CTNNA3: variants seen among roughly 807,000 people sequenced by gnomAD.
CTNNA3 encodes the protein catenin alpha 3.
In CTNNA3, 76 loss-of-function variants were observed where a neutral mutation model predicts 95.7. The ratio of observed to expected loss-of-function variants is 0.79; its 90% CI spans 0.66 to 0.96. The LOEUF (loss-of-function observed/expected upper bound fraction) is 0.96, where lower values mean the gene tolerates loss of function less well. Among genes scored for constraint, CTNNA3 ranks in the 40% least tolerant of loss-of-function variants. CTNNA3 has a pLI of 0.00. For missense variants in CTNNA3, 1,191 were observed against 1,089.8 expected, an observed-to-expected ratio of 1.09 and a Z score of -1.31; for synonymous variants, 431 against 374.4, an observed-to-expected ratio of 1.15 and a Z score of -1.74.
At chr10:65,986,463 T>C (rs1232585091) in intron 16 of CTNNA3, among the ~76,000 whole-genome samples, 1 of 151,334 alleles carries the variant, frequency 6.6e-6, no homozygotes, top group Non-Finnish European at 1.5e-5. Context: ...GCAATCCTAT[T>C]TCTCATAGCT....
rs183499309 is a variant in CTNNA3 at position 66,514,734 on chromosome 10, G to C, written c.1531+5883C>G. Among the ~76,000 whole-genome samples the C allele has an allele frequency of 2.2e-4, 34 of 152,184 alleles. 1 individual carries two copies. The highest frequency in any genetic ancestry group is 7.5e-4 in the African/African-American group (31 of 41,530). ...TAAATAAACGAAGGAATAAATAAAA[G>C]AAAGGTTGTATTTTTACAAACCCTT... On this transcript the variant is annotated intron_variant, in intron 11 of 17. Transcript: ENST00000433211.
intron 13 of CTNNA3, among the ~76,000 whole-genome samples, chr10:66,123,924 G>A (rs1589470520): frequency 6.6e-6 from 1 of 152,260 alleles, no homozygotes; most frequent in East Asian, 1.9e-4. Flanking sequence ...GTCCTCCTAG[G>A]CCTCCAGGCC....
intron 7 of CTNNA3, among the ~76,000 whole-genome samples, chr10:66,779,683 T>C (rs1840454131): frequency 6.6e-6 from 1 of 152,188 alleles, no homozygotes; most frequent in Admixed American, 6.5e-5. Context: ...TCTTTCAAGG[T>C]ATAACTCAGT....
intron 3 of CTNNA3, among the ~76,000 whole-genome samples, chr10:67,540,641 T>C (rs1840656190): frequency 6.6e-6 from 1 of 151,980 alleles, no homozygotes; most frequent in African/African-American, 2.4e-5. Context: ...GTTTTATGAA[T>C]ATATTCATAT....
chr10:67,037,287 C>T (rs934198533), intron 7 of CTNNA3, among the ~76,000 whole-genome samples: 1 of 151,704 alleles, frequency 6.6e-6, no homozygotes, highest in Non-Finnish European at 1.5e-5. Flanking sequence ...TTAATGCCAT[C>T]CTTTCTCTTC....
At position 66,520,727 on chromosome 10, in the gene CTNNA3, G is replaced by A. The variant is rs201810511; in HGVS notation, c.1421C>T (p.Ala474Val). The change falls in exon 11 of 18, where the codon GCG (alanine) becomes GTG (valine). Residue 474 changes from alanine to valine, a missense_variant. By Grantham distance (64) the Ala-to-Val change is moderately conservative. Coordinates refer to ENST00000433211, the MANE Select transcript of CTNNA3 (RefSeq NM_013266.4). ...LALAARPKSQ[A>V]VKNTMEMYKR... ...GTACATTTCCATGGTGTTTTTGACC[G>A]CTTGACTTTTGGGTCTTGCAGCCAA... is the stretch of plus-strand genomic sequence containing the variant. The A allele has an allele frequency of 9.4e-5, 151 of 1,612,544 alleles. 1 individual carries two copies. The highest frequency in any genetic ancestry group is 5.8e-4 in the East Asian group (26 of 44,776).
chr10:66,621,592 A>C (rs1266316547), intron 10 of CTNNA3, 100 bp downstream of exon 10: 2 of 187,988 alleles, frequency 1.1e-5, no homozygotes, highest in Non-Finnish European at 1.8e-5. Context: ...ACCTGGTCTC[A>C]AAAAAAAAAA....
chr10:67,179,494 CAA>C (rs35292826), intron 7 of CTNNA3, among the ~76,000 whole-genome samples: 2,894 of 85,260 alleles, frequency 0.034, 64 homozygotes, highest in African/African-American at 0.09. Context: ...GCTAAAACTT[CAA>C]AAAAAAAAAA....
At chr10:67,720,296 G>A (rs1364431007) in intron 1 of CTNNA3, among the ~76,000 whole-genome samples, 1 of 150,974 alleles carries the variant, frequency 6.6e-6, no homozygotes, top group Non-Finnish European at 1.5e-5. Flanking sequence ...GCCAGTCTAT[G>A]AGGCTATTGA....
chr10:66,194,919 A>G (rs975741026), intron 13 of CTNNA3, among the ~76,000 whole-genome samples: 1 of 152,224 alleles, frequency 6.6e-6, no homozygotes, highest in African/African-American at 2.4e-5. Flanking sequence ...ATGTTATGCA[A>G]TCAATGCAAA....
chr10:65,997,556 A>G (rs1055690808), intron 15 of CTNNA3, among the ~76,000 whole-genome samples: 3 of 152,192 alleles, frequency 2.0e-5, no homozygotes, highest in Non-Finnish European at 4.4e-5. Flanking sequence ...TGATTTAAGC[A>G]TGAGAGAAAG....
intron 11 of CTNNA3, among the ~76,000 whole-genome samples, chr10:66,465,798 A>G (rs968290258): frequency 2.0e-5 from 3 of 152,132 alleles, no homozygotes. Context: ...ACATGGTCCA[A>G]GAGATTATCT....
intron 11 of CTNNA3, among the ~76,000 whole-genome samples, chr10:66,470,410 G>A (rs1839084651): frequency 6.6e-6 from 1 of 151,788 alleles, no homozygotes; most frequent in Admixed American, 6.6e-5. Context: ...AAATGAGATT[G>A]GCAAGCATTA....
At chr10:66,999,489 T>C (rs1851556828) in intron 7 of CTNNA3, among the ~76,000 whole-genome samples, 1 of 151,134 alleles carries the variant, frequency 6.6e-6, no homozygotes, top group African/African-American at 2.4e-5. Flanking sequence ...CAGAACATGA[T>C]TATGCCATAA....
At chr10:66,153,207 CTATT>C (rs2084297918) in intron 13 of CTNNA3, among the ~76,000 whole-genome samples, 1 of 151,406 alleles carries the variant, frequency 6.6e-6, no homozygotes, top group Non-Finnish European at 1.5e-5. Context: ...CTGAGATTTC[CTATT>C]TATTTATTAA....
At position 66,613,139 on chromosome 10, in the gene CTNNA3, G is replaced by A. The variant is rs538169314; in HGVS notation, c.1374+8553C>T. Among the ~76,000 whole-genome samples, 6 of 152,090 alleles carry A rather than the reference G, an allele frequency of 3.9e-5. No homozygotes were observed. The South Asian group carries it at 1.0e-3, about 26-fold the overall frequency. On this transcript the variant is annotated intron_variant, in intron 10 of 17. Transcript: ENST00000433211. ...AATTCATTCTGAGATTCTTGCCTTG[G>A]CCTGCATGTGAAACTATGCTAATTC...
At chr10:66,917,118 G>A (rs1375148764) in intron 7 of CTNNA3, among the ~76,000 whole-genome samples, 1 of 152,146 alleles carries the variant, frequency 6.6e-6, no homozygotes, top group Non-Finnish European at 1.5e-5. Flanking sequence ...GTCCTCCAGT[G>A]GAAGGCACTT....
chr10:66,068,812 G>A (rs74140941), intron 15 of CTNNA3, among the ~76,000 whole-genome samples: 209 of 152,152 alleles, frequency 1.4e-3, no homozygotes, highest in African/African-American at 4.6e-3. Flanking sequence ...TATTACTTCT[G>A]CAATATGCCC....
rs539789082 is a variant in CTNNA3 at position 66,877,603 on chromosome 10, C to T, written c.1048-102079G>A. Among the ~76,000 whole-genome samples the T allele has an allele frequency of 7.9e-5, 12 of 152,224 alleles. No homozygotes were observed. In the South Asian group the frequency reaches 2.5e-3, roughly 32 times the overall value. On this transcript the variant is annotated intron_variant, in intron 7 of 17. Coordinates refer to ENST00000433211, the MANE Select transcript of CTNNA3 (RefSeq NM_013266.4). ...ATCTGTGAGATGGCCATTTACATTG[C>T]TCCTAGGGAAGCAATGAGGAAGTCT...
Sources: gnomAD v4.1 joint callset for allele counts (sites outside exome capture counted in the v4.1 genomes callset) on GRCh38, gnomAD v4.1.1 for gene constraint, MANE v1.5 for transcripts, NCBI Gene and HGNC (gene_info 2026-07-23, HGNC 2026-07-21) for gene names.